The following NRXN3 variants were observed in gnomAD, a reference collection of about 807,000 sequenced individuals.
NRXN3 encodes neurexin 3, also known as neurexin III.
NRXN3 carries 32 observed loss-of-function variants against 137.6 expected under a neutral mutation model. The ratio of observed to expected loss-of-function variants is 0.23; its 90% CI spans 0.18 to 0.31. The LOEUF is 0.31. Among genes scored for constraint, NRXN3 ranks in the 10% least tolerant of loss-of-function variants. The pLI is 1.00. For missense variants in NRXN3, 1,574 were observed against 2,062.5 expected (o/e 0.76, Z 4.59); for synonymous variants, 798 against 784.5 (o/e 1.02, Z -0.29).
At chr14:79,317,637 G>A (rs557528219) in intron 15 of NRXN3, among the ~76,000 whole-genome samples, 15 of 152,202 alleles carry the variant, frequency 9.9e-5, no homozygotes, top group Admixed American at 5.9e-4. Flanking sequence ...GAAAAGCCCC[G>A]GCAACCGAAT....
At chr14:79,305,409 C>G (rs2085877218) in intron 15 of NRXN3, among the ~76,000 whole-genome samples, 1 of 151,992 alleles carries the variant, frequency 6.6e-6, no homozygotes, top group Non-Finnish European at 1.5e-5. Flanking sequence ...CTAGAGATTC[C>G]ACAGCCAATG....
intron 19 of NRXN3, among the ~76,000 whole-genome samples, chr14:79,739,065 G>C (rs548976608): frequency 2.6e-5 from 4 of 152,124 alleles, no homozygotes; most frequent in Admixed American, 6.5e-5. Flanking sequence ...TTCAAAATAA[G>C]TCTCCTGCCA....
At chr14:79,631,711 C>CA (rs773393187) in intron 16 of NRXN3, among the ~76,000 whole-genome samples, 3 of 108,534 alleles carry the variant, frequency 2.8e-5, no homozygotes, top group Non-Finnish European at 5.4e-5. Flanking sequence ...TTTGTAAACA[C>CA]CCAATCAGCA....
intron 4 of NRXN3, among the ~76,000 whole-genome samples, chr14:78,407,144 T>A (rs867654533): frequency 2.0e-5 from 3 of 152,272 alleles, no homozygotes; most frequent in Middle Eastern, 6.8e-3. Context: ...TGGAGGCATA[T>A]CCTGAGGTCC....
At chr14:79,112,493 T>G (rs1483192782) in intron 15 of NRXN3, among the ~76,000 whole-genome samples, 2 of 152,216 alleles carry the variant, frequency 1.3e-5, no homozygotes, top group Non-Finnish European at 2.9e-5. Context: ...TTGTTATGTG[T>G]CTGGTTTCTT....
chr14:79,652,209 A>T (rs1397637857), intron 16 of NRXN3, among the ~76,000 whole-genome samples: 1 of 152,208 alleles, frequency 6.6e-6, no homozygotes, highest in African/African-American at 2.4e-5. Context: ...ACATGGCAAC[A>T]TATCTACAAA....
At chr14:78,346,752 G>A (rs1444655177) in intron 4 of NRXN3, among the ~76,000 whole-genome samples, 1 of 152,166 alleles carries the variant, frequency 6.6e-6, no homozygotes, top group African/African-American at 2.4e-5. Context: ...AGGACATGTG[G>A]TTGAGACACA....
intron 10 of NRXN3, among the ~76,000 whole-genome samples, chr14:78,890,288 A>G (rs866496141): frequency 3.9e-5 from 6 of 151,952 alleles, no homozygotes; most frequent in Non-Finnish European, 5.9e-5. Flanking sequence ...TATAAAAAAC[A>G]CCTCTTATTG....
chr14:79,239,063 T>C (rs2073884631), intron 15 of NRXN3, among the ~76,000 whole-genome samples: 1 of 152,140 alleles, frequency 6.6e-6, no homozygotes, highest in Admixed American at 6.6e-5. Context: ...CCAAACCCTA[T>C]ATATACTATG....
intron 8 of NRXN3, among the ~76,000 whole-genome samples, chr14:78,716,253 T>A (rs982199837): frequency 6.6e-6 from 1 of 152,190 alleles, no homozygotes; most frequent in African/African-American, 2.4e-5. Flanking sequence ...TCAAGCTATT[T>A]GCAGATTGCA....
At chr14:79,603,077 C>CT (rs1488595257) in intron 16 of NRXN3, among the ~76,000 whole-genome samples, 1 of 152,236 alleles carries the variant, frequency 6.6e-6, no homozygotes, top group Non-Finnish European at 1.5e-5. Context: ...TCTTTCAGCT[C>CT]TTCCATTTCT....
intron 2 of NRXN3, among the ~76,000 whole-genome samples, chr14:78,268,383 C>T (rs959278659): frequency 6.4e-4 from 97 of 152,122 alleles, no homozygotes; most frequent in Non-Finnish European, 1.6e-4. Flanking sequence ...AGCTTTTAAT[C>T]CTTTCTCTGA....
At chr14:79,812,118 T>C (rs1329755282) in intron 20 of NRXN3, among the ~76,000 whole-genome samples, 1 of 152,054 alleles carries the variant, frequency 6.6e-6, no homozygotes, top group African/African-American at 2.4e-5. Context: ...AACAAATATA[T>C]TTAATAATAA....
At position 79,160,679 on chromosome 14, in the gene NRXN3, A is replaced by G. The variant is rs1234148807; in HGVS notation, c.3262+172538A>G. ...TTTCAGTAATCTCAAGGAAAAAAAA[A>G]CACTTGCCATCTGCAATTTACTGCT... On this transcript the variant is annotated intron_variant, in intron 15 of 20. Transcript: ENST00000335750. Among the ~76,000 whole-genome samples, 6 of 151,996 alleles carry G rather than the reference A, an allele frequency of 3.9e-5. 1 individual carries two copies. The East Asian group carries it at 1.2e-3, about 30-fold the overall frequency.
intron 16 of NRXN3, chr14:79,611,824 G>C (rs2098106726): frequency 6.6e-6 from 1 of 152,182 alleles, no homozygotes; most frequent in South Asian, 2.1e-4. Context: ...AGTTGCACTT[G>C]TTTAATCTGT....
In NRXN3 at chr14:79,661,050, T is replaced by C. The variant is rs187499854; in HGVS notation, c.3445-2728T>C. Among the ~76,000 whole-genome samples, 1,077 of 152,082 alleles carry C rather than the reference T, an allele frequency of 7.1e-3. 12 individuals carry two copies. The highest frequency in any genetic ancestry group is 0.044 in the Middle Eastern group (13 of 294). On this transcript the variant is annotated intron_variant, in intron 16 of 20. Transcript: ENST00000335750. The stretch of plus-strand genomic sequence containing the variant: ...TACCATTTCTGAATTCCTTGAGAAA[T>C]AAGAAGAATAAAATGGACAATAATA...
At chr14:78,483,847 G>C (rs939742760) in intron 4 of NRXN3, among the ~76,000 whole-genome samples, 3 of 152,040 alleles carry the variant, frequency 2.0e-5, no homozygotes, top group Admixed American at 6.6e-5. Context: ...GGCTTACCAA[G>C]GTTACAAACT....
Position 79,801,888 on chromosome 14 carries a change from T to C in NRXN3, c.4015-3224T>C, listed in dbSNP as rs76793584. Among the ~76,000 whole-genome samples the C allele has an allele frequency of 6.2e-3, 937 of 150,090 alleles. 4 individuals are homozygous for C. The highest frequency in any genetic ancestry group is 0.011 in the Non-Finnish European group (716 of 67,548). On this transcript the variant is annotated intron_variant, in intron 19 of 20. Transcript: ENST00000335750. ...GCAATGGGGATTAGGGGCCCATTCATGGGATGGAATTGGAGGTAGAGAAGG... is the reference window on the plus strand; with the variant it reads ...GCAATGGGGATTAGGGGCCCATTCACGGGATGGAATTGGAGGTAGAGAAGG...
At chr14:78,730,915 C>T (rs1044459497) in intron 8 of NRXN3, among the ~76,000 whole-genome samples, 2 of 152,122 alleles carry the variant, frequency 1.3e-5, no homozygotes, top group African/African-American at 2.4e-5. Flanking sequence ...ATGGTGGTGG[C>T]GTGATGGTCA....
Sources: gnomAD v4.1 joint callset for allele counts (sites outside exome capture counted in the v4.1 genomes callset) on GRCh38, gnomAD v4.1.1 for gene constraint, MANE v1.5 for transcripts, NCBI Gene and HGNC (gene_info 2026-07-23, HGNC 2026-07-21) for gene names.